Variants in SLC39A11 observed in about 807,000 individuals in gnomAD.
SLC39A11 encodes the protein zinc transporter ZIP11.
Under a neutral mutation model 36.1 loss-of-function variants are expected in SLC39A11, and 33 were observed. That is an observed-to-expected ratio of 0.91 (90% CI 0.69 to 1.22). The LOEUF (loss-of-function observed/expected upper bound fraction) is 1.22, where lower values mean the gene tolerates loss of function less well. SLC39A11 is among the 50% of genes most tolerant of loss of function. SLC39A11 has a pLI of 0.00. For missense variants in SLC39A11, 432 were observed against 430.3 expected, an observed-to-expected ratio of 1.00 and a Z score of -0.03; for synonymous variants, 166 against 170.3, an observed-to-expected ratio of 0.97 and a Z score of 0.20.
rs2069709172 is a variant in SLC39A11, at chr17:72,648,867, C to T, written c.865G>A (p.Ala289Thr). ...TAGACCATGGCACCGGCAGCAAAGGCCAGAGCGTAGGGCAGGATGGGCTCA... is the reference window on the plus strand; with the variant it reads ...TAGACCATGGCACCGGCAGCAAAGGTCAGAGCGTAGGGCAGGATGGGCTCA... ...LAEPILPYAL[A>T]FAAGAMVYVV... The change falls in exon 9 of 10, where the codon GCC becomes ACC. Residue 289 changes from alanine to threonine, a missense_variant. Ala to Thr is a moderately conservative substitution (Grantham distance 58). Transcript: ENST00000255559. The T allele has an allele frequency of 3.1e-6, 5 of 1,614,024 alleles. No homozygotes were observed. Among genetic ancestry groups the T allele is most frequent in the Non-Finnish European group, 4.2e-6 (5 of 1,180,024 alleles).
intron 4 of SLC39A11, among the ~76,000 whole-genome samples, chr17:72,998,526 G>A (rs1013147431): frequency 5.3e-5 from 8 of 152,106 alleles, no homozygotes; most frequent in African/African-American, 1.9e-4. Context: ...TTTGATCCCT[G>A]ACACAAGCAA....
At chr17:72,741,180 T>C (rs2074682144) in intron 6 of SLC39A11, among the ~76,000 whole-genome samples, 2 of 152,106 alleles carry the variant, frequency 1.3e-5, no homozygotes, top group Non-Finnish European at 2.9e-5. Flanking sequence ...TAGTTAATTC[T>C]ATGTAGTTAT....
intron 4 of SLC39A11, among the ~76,000 whole-genome samples, chr17:72,953,270 T>G (rs8079736): frequency 1.3e-5 from 2 of 151,578 alleles, no homozygotes; most frequent in African/African-American, 2.4e-5. Context: ...TCCACCCACT[T>G]TGGAAAGGCC....
Position 72,718,893 on chromosome 17 carries a change from T to C in SLC39A11, c.671+17757A>G, listed in dbSNP as rs564724446. Among the ~76,000 whole-genome samples the C allele has an allele frequency of 7.7e-4, 117 of 152,174 alleles. No homozygotes were observed. The South Asian group carries it at 8.7e-3, about 11-fold the overall frequency. ...GATCCTCCTGCCTCAGCCTCCCAAGTAGCTGAGATTACAGGCATGAGCCAC... is the reference window on the plus strand; with the variant it reads ...GATCCTCCTGCCTCAGCCTCCCAAGCAGCTGAGATTACAGGCATGAGCCAC... On this transcript the variant is annotated intron_variant, in intron 7 of 9. Transcript: ENST00000255559.
chr17:72,649,736 C>T lies in SLC39A11; in HGVS notation c.672-468G>A, dbSNP rs907757093. 4.1e-4 allele frequency among the ~76,000 whole-genome samples: 62 copies of T among 151,576 alleles called. 1 individual carries two copies. Among genetic ancestry groups the T allele is most frequent in the South Asian group, 4.2e-4 (2 of 4,802 alleles). On this transcript the variant is annotated intron_variant, in intron 7 of 9. Coordinates refer to ENST00000255559, the MANE Select transcript of SLC39A11 (RefSeq NM_139177.4). ...TCGGCTCACTGCAACCTCCACCTCC[C>T]GGGTTCAAGTGATTTCCAGCTAATT...
intron 5 of SLC39A11, among the ~76,000 whole-genome samples, chr17:72,923,170 G>A (rs1300863788): frequency 6.6e-6 from 1 of 151,994 alleles, no homozygotes; most frequent in African/African-American, 2.4e-5. Context: ...CCCCTTTGCT[G>A]TAAGACTTAT....
At chr17:72,917,495 C>T (rs1229289021) in intron 5 of SLC39A11, among the ~76,000 whole-genome samples, 1 of 152,134 alleles carries the variant, frequency 6.6e-6, no homozygotes. Context: ...AGAGCATGAC[C>T]ACTTCTCAAC....
intron 7 of SLC39A11, among the ~76,000 whole-genome samples, chr17:72,711,420 C>T (rs1334493703): frequency 2.6e-5 from 4 of 152,182 alleles, no homozygotes; most frequent in Non-Finnish European, 4.4e-5. Context: ...AAATGATGGC[C>T]GAGTACCACT....
At chr17:72,909,460 T>G (rs2082849250) in intron 5 of SLC39A11, among the ~76,000 whole-genome samples, 2 of 152,140 alleles carry the variant, frequency 1.3e-5, no homozygotes, top group Admixed American at 6.5e-5. Flanking sequence ...TGCAACACGC[T>G]CTGGAGAAAG....
At chr17:72,831,512 C>G (rs1279293722) in intron 6 of SLC39A11, among the ~76,000 whole-genome samples, 1 of 152,190 alleles carries the variant, frequency 6.6e-6, no homozygotes, top group East Asian at 1.9e-4. Flanking sequence ...GATATCACAA[C>G]TTGGAGAAGT....
chr17:73,072,784 T>C (rs924235925), intron 3 of SLC39A11, among the ~76,000 whole-genome samples: 4 of 152,188 alleles, frequency 2.6e-5, no homozygotes, highest in African/African-American at 7.2e-5. Context: ...TCCCAAAATA[T>C]GTTCACGGTC....
chr17:72,900,132 AAGAAAGAAAAAG>A (rs2082276362), intron 5 of SLC39A11, among the ~76,000 whole-genome samples: 1 of 93,478 alleles, frequency 1.1e-5, no homozygotes, highest in Non-Finnish European at 1.9e-5. Context: ...AAAAGAAAGA[AAGAAAGAAAAAG>A]AAAGAAAGAA....
intron 4 of SLC39A11, among the ~76,000 whole-genome samples, chr17:73,020,861 T>C (rs1022370085): frequency 6.6e-6 from 1 of 151,906 alleles, no homozygotes; most frequent in African/African-American, 2.4e-5. Flanking sequence ...TTTTGTACTT[T>C]TAGTAGAGAC....
At chr17:72,918,226 T>C (rs2083442655) in intron 5 of SLC39A11, among the ~76,000 whole-genome samples, 1 of 152,104 alleles carries the variant, frequency 6.6e-6, no homozygotes. Flanking sequence ...CAGGCCAACA[T>C]GATGAAACCT....
At chr17:72,843,851 C>T (rs955131899) in intron 6 of SLC39A11, among the ~76,000 whole-genome samples, 8 of 152,010 alleles carry the variant, frequency 5.3e-5, no homozygotes, top group African/African-American at 1.9e-4. Flanking sequence ...AAATATTAAC[C>T]CAAGAGCCCC....
intron 5 of SLC39A11, among the ~76,000 whole-genome samples, chr17:72,901,522 G>A (rs1022615937): frequency 6.6e-6 from 1 of 152,168 alleles, no homozygotes; most frequent in Non-Finnish European, 1.5e-5. Context: ...GGCCGGGAAG[G>A]CAGACCACAG....
chr17:73,075,985 C>T (rs1386829205), intron 3 of SLC39A11, among the ~76,000 whole-genome samples: 1 of 152,150 alleles, frequency 6.6e-6, no homozygotes, highest in Admixed American at 6.6e-5. Flanking sequence ...ATTAGTTGAT[C>T]TAGGTAGAGT....
intron 7 of SLC39A11, among the ~76,000 whole-genome samples, chr17:72,692,842 A>G (rs1440928588): frequency 6.6e-6 from 1 of 152,206 alleles, no homozygotes; most frequent in African/African-American, 2.4e-5. Flanking sequence ...GAGAGCATGG[A>G]GCTGAAACCT....
chr17:72,841,687 C>G (rs2078817451), intron 6 of SLC39A11, among the ~76,000 whole-genome samples: 1 of 152,062 alleles, frequency 6.6e-6, no homozygotes, highest in Non-Finnish European at 1.5e-5. Flanking sequence ...TTTAAAATAA[C>G]TACAAGTATA....
Sources: allele counts gnomAD v4.1 joint callset (sites outside exome capture counted in the v4.1 genomes callset), GRCh38; gene constraint gnomAD v4.1.1; transcripts MANE v1.5; gene names NCBI Gene and HGNC (gene_info 2026-07-23, HGNC 2026-07-21).